Variants in FAN1 observed in about 807,000 individuals in gnomAD.
FAN1 encodes the protein FANCD2 and FANCI associated nuclease 1.
FAN1 carries 91 observed loss-of-function variants against 104.9 expected under a neutral mutation model. That is an observed-to-expected ratio of 0.87 (90% CI 0.73 to 1.03). The LOEUF is 1.03. Ranked by LOEUF, FAN1 falls within the 50% of genes least tolerant of loss-of-function variation. The probability of loss-of-function intolerance (pLI) is 0.00; values close to 1 mark genes in which losing one functional copy is unlikely to be tolerated. For synonymous variants in FAN1, 478 were observed against 457.6 expected (o/e 1.04, Z -0.57); for missense variants, 1,263 against 1,239.9 (o/e 1.02, Z -0.28).
chr15:30,942,933 G>A lies in FAN1; in HGVS notation c.*1371G>A. ...CTTCACGGAGCCATTCTGTATACAA[G>A]GTGTGCTCTTTCCAATGTAGAAGGG... On this transcript the variant is annotated 3_prime_UTR_variant, in exon 15 of 15. Coordinates refer to ENST00000362065, the MANE Select transcript of FAN1 (RefSeq NM_014967.5). 6.4e-7 allele frequency: 1 copy of A among 1,567,868 alleles called. No homozygotes were observed. Among genetic ancestry groups the A allele is most frequent in the Non-Finnish European group, 8.7e-7 (1 of 1,154,066 alleles).
intron 4 of FAN1, 57 bp downstream of exon 4, chr15:30,910,872 C>G: frequency 6.4e-7 from 1 of 1,552,706 alleles, no homozygotes. Context: ...CACATATTAA[C>G]TTACAGTAGA....
chr15:30,911,739 TA>T, intron 4 of FAN1: 1 of 960,296 alleles, frequency 1.0e-6, no homozygotes, highest in Non-Finnish European at 1.2e-6. Context: ...ACCTTATATG[TA>T]ACATTTTATA....
intron 10 of FAN1, chr15:30,926,941 C>G: frequency 1.0e-6 from 1 of 985,354 alleles, no homozygotes; most frequent in South Asian, 4.7e-5. Context: ...TCAACCTCTT[C>G]TGGGAGGTGA....
intron 9 of FAN1, 105 bp downstream of exon 9, chr15:30,925,396 C>A: frequency 9.0e-7 from 1 of 1,111,966 alleles, no homozygotes; most frequent in Non-Finnish European, 1.3e-6. Flanking sequence ...TTCTTTTAGA[C>A]TCGGAATAAT....
chr15:30,929,790 A>G (rs1444147165), intron 12 of FAN1, among the ~76,000 whole-genome samples: 1 of 49,558 alleles, frequency 2.0e-5, no homozygotes, highest in African/African-American at 9.7e-5. Context: ...TATATCATAT[A>G]TAATATAATA....
At chr15:30,938,406 G>A (rs761330524) in intron 14 of FAN1, among the ~76,000 whole-genome samples, 2 of 152,112 alleles carry the variant, frequency 1.3e-5, no homozygotes, top group Non-Finnish European at 2.9e-5. Context: ...ACATGTAAAT[G>A]CTTGTTCTAC....
Position 30,925,217 on chromosome 15 carries a change from GA to G in FAN1, c.2264del (p.Glu755GlyfsTer23), listed in dbSNP as rs756840415. On this transcript the variant is annotated frameshift_variant, in exon 9 of 15. Coordinates refer to ENST00000362065, the MANE Select transcript of FAN1 (RefSeq NM_014967.5). LOFTEE classifies it high-confidence loss of function. ...SLYQRAVRLRESPSCKKFKHL... is the reference protein window; with the variant it reads ...SLYQRAVRLRXSPSCKKFKHL... ...GTATCAGCGAGCCGTGCGCCTGCGA[GA>G]GTCTCCGAGCTGTAAAAAGTTCAAG... is the stretch of plus-strand genomic sequence containing the variant. The G allele has an allele frequency of 3.1e-6, 5 of 1,613,992 alleles. No individual in the cohort carries two copies. Among genetic ancestry groups the G allele is most frequent in the Middle Eastern group, 1.6e-4 (1 of 6,084 alleles).
At chr15:30,912,211 C>G (rs529283968) in intron 4 of FAN1, among the ~76,000 whole-genome samples, 1 of 152,296 alleles carries the variant, frequency 6.6e-6, no homozygotes, top group East Asian at 1.9e-4. Context: ...GTGAAAACCA[C>G]TGTCCTTTAA....
In FAN1 at chr15:30,904,494, ATG is replaced by A. The variant is rs2061924280; in HGVS notation, c.-152-14_-152-13del. On this transcript the variant is annotated splice_polypyrimidine_tract_variant and intron_variant, in intron 1 of 14. Transcript: ENST00000362065. ...ATTCATAAAAATGTTTTTAATTTATATGTGTTTCTTCTTGTAGGAAGAAGAAA... is the reference window on the plus strand; with the variant it reads ...ATTCATAAAAATGTTTTTAATTTATATGTTTCTTCTTGTAGGAAGAAGAAA... The A allele has an allele frequency of 1.3e-6, 1 of 758,760 alleles. No homozygotes were observed. The highest frequency in any genetic ancestry group is 1.7e-5 in the African/African-American group (1 of 57,468). The allele number at this position is 758,760 out of a possible 1,614,324, so 47.0% of individuals were successfully genotyped here.
At chr15:30,939,022 T>G (rs900290856) in intron 14 of FAN1, 10 of 985,276 alleles carry the variant, frequency 1.0e-5, no homozygotes, top group Non-Finnish European at 1.2e-5. Flanking sequence ...ACACATCTTC[T>G]TGCTCATCCC....
At chr15:30,923,697 C>T (rs2062390911) in intron 8 of FAN1, among the ~76,000 whole-genome samples, 1 of 152,266 alleles carries the variant, frequency 6.6e-6, no homozygotes, top group South Asian at 2.1e-4. Flanking sequence ...GCACCGTCTT[C>T]TGCCAGCGAA....
intron 2 of FAN1, among the ~76,000 whole-genome samples, chr15:30,907,195 C>T (rs961744271): frequency 5.9e-5 from 9 of 151,312 alleles, no homozygotes; most frequent in African/African-American, 2.0e-4. Context: ...ATCCTCCTGC[C>T]TCAGCCTCCC....
chr15:30,930,608 T>G lies in FAN1; in HGVS notation c.2853T>G (p.Phe951Leu). 6.2e-7 allele frequency: 1 copy of G among 1,612,972 alleles called. No individual in the cohort carries two copies. The change falls in exon 13 of 15, where the codon TTT (phenylalanine) becomes TTG (leucine). Residue 951 changes from phenylalanine to leucine, a missense_variant. Transcript: ENST00000362065. Reference sequence around the variant, plus strand: ...TGTGCAGGCACCTGGCTGCTGACTTTCGACACTGTCGAGGGGGCCTCCCCG... The same window carrying G: ...TGTGCAGGCACCTGGCTGCTGACTTGCGACACTGTCGAGGGGGCCTCCCCG... ...SGVCRHLAAD[F>L]RHCRGGLPDL... is the part of the protein sequence containing the mutation.
intron 8 of FAN1, 178 bp from the exon 9 acceptor site, chr15:30,924,949 C>T: frequency 1.7e-6 from 1 of 599,502 alleles, no homozygotes; most frequent in Non-Finnish European, 2.8e-6. Context: ...TTGCCAGATG[C>T]ATTGAAATCC....
At chr15:30,906,683 T>C (rs531707950) in intron 2 of FAN1, among the ~76,000 whole-genome samples, 1 of 152,352 alleles carries the variant, frequency 6.6e-6, no homozygotes, top group South Asian at 2.1e-4. Flanking sequence ...AACATTACTA[T>C]TGATGTTCAA....
rs201370984 is a variant in FAN1, at chr15:30,925,330, G to A, written c.2337+39G>A. The stretch of plus-strand genomic sequence containing the variant: ...CTGTGGGTGCTTTGGACTTAGGCGC[G>A]TGTACCTGGTTTTTTTGGACCAGAA... On this transcript the variant is annotated intron_variant, in intron 9 of 14. Transcript: ENST00000362065. 200 of 1,576,704 alleles carry A rather than the reference G, an allele frequency of 1.3e-4. 2 individuals are homozygous for A. The African/African-American group carries it at 2.2e-3, about 17-fold the overall frequency.
intron 14 of FAN1, chr15:30,940,683 G>A (rs569481162): frequency 5.1e-6 from 5 of 987,478 alleles, no homozygotes; most frequent in East Asian, 1.1e-4. Flanking sequence ...GCTTTCAGAG[G>A]AACAAGACTC....
At chr15:30,920,773 G>A (rs1214092405) in intron 7 of FAN1, 120 bp downstream of exon 7, 2 of 597,918 alleles carry the variant, frequency 3.3e-6, no homozygotes, top group Non-Finnish European at 5.8e-6. Context: ...GTAATATAAT[G>A]GAGGCATATT....
chr15:30,927,893 C>T (rs2062505313), intron 10 of FAN1: 3 of 985,770 alleles, frequency 3.0e-6, no homozygotes, highest in Non-Finnish European at 3.6e-6. Context: ...CAGCACCTGA[C>T]TTCTGTCTCT....
Sources: allele counts gnomAD v4.1 joint callset (sites outside exome capture counted in the v4.1 genomes callset), GRCh38; gene constraint gnomAD v4.1.1; transcripts MANE v1.5; gene names NCBI Gene and HGNC (gene_info 2026-07-23, HGNC 2026-07-21).